Variants in PTPRR observed in about 807,000 individuals in gnomAD.
The protein encoded by PTPRR is receptor-type tyrosine-protein phosphatase R.
PTPRR carries 38 observed loss-of-function variants against 77.2 expected under a neutral mutation model. That is an observed-to-expected ratio of 0.49 (90% CI 0.38 to 0.65). The LOEUF is 0.65. PTPRR is among the 30% of genes least tolerant of loss of function. The pLI is 0.00. For synonymous variants in PTPRR, 299 were observed against 283.1 expected, an observed-to-expected ratio of 1.06 and a Z score of -0.57; for missense variants, 744 against 799.2, an observed-to-expected ratio of 0.93 and a Z score of 0.83.
chr12:70,718,337 C>T (rs1259717133), intron 6 of PTPRR, among the ~76,000 whole-genome samples: 1 of 152,056 alleles, frequency 6.6e-6, no homozygotes, highest in African/African-American at 2.4e-5. Context: ...ACGATCTCAG[C>T]TCACTGCAAT....
chr12:70,832,363 G>T (rs1892228074), intron 2 of PTPRR, among the ~76,000 whole-genome samples: 1 of 152,144 alleles, frequency 6.6e-6, no homozygotes, highest in Admixed American at 6.5e-5. Context: ...CAACATTCAG[G>T]TTTTTAAAAA....
intron 1 of PTPRR, among the ~76,000 whole-genome samples, chr12:70,899,128 A>G (rs953726111): frequency 1.1e-4 from 16 of 151,588 alleles, no homozygotes; most frequent in African/African-American, 3.4e-4. Context: ...ATAATTGAAA[A>G]TGTCTACCAA....
intron 2 of PTPRR, among the ~76,000 whole-genome samples, chr12:70,799,394 G>A (rs572133254): frequency 5.9e-5 from 9 of 152,164 alleles, no homozygotes; most frequent in South Asian, 4.2e-4. Context: ...TCCCAGAATC[G>A]CATGTTTATT....
intron 8 of PTPRR, among the ~76,000 whole-genome samples, chr12:70,695,587 T>C (rs1888202933): frequency 6.6e-6 from 1 of 152,194 alleles, no homozygotes; most frequent in Non-Finnish European, 1.5e-5. Flanking sequence ...TCTGATATCA[T>C]CTGGGCAGGA....
chr12:70,668,303 C>T (rs1202206807), intron 10 of PTPRR, among the ~76,000 whole-genome samples: 1 of 150,354 alleles, frequency 6.7e-6, no homozygotes, highest in Non-Finnish European at 1.5e-5. Context: ...GGAGCAGCAG[C>T]AGCTTGGGAG....
chr12:70,791,042 G>A (rs1891414064), intron 2 of PTPRR, among the ~76,000 whole-genome samples: 1 of 152,108 alleles, frequency 6.6e-6, no homozygotes. Flanking sequence ...CACTGCCAAA[G>A]CAGTTCTCCC....
intron 2 of PTPRR, among the ~76,000 whole-genome samples, chr12:70,773,812 A>C (rs1891033707): frequency 6.6e-6 from 1 of 152,204 alleles, no homozygotes; most frequent in African/African-American, 2.4e-5. Context: ...TGTTTGCTAC[A>C]TTATTTTCTG....
chr12:70,673,023 G>C (rs1207368078), intron 10 of PTPRR: 15 of 1,161,382 alleles, frequency 1.3e-5, no homozygotes, highest in Non-Finnish European at 1.5e-5. Context: ...AAATACGTCG[G>C]GCCAAAGCAA....
chr12:70,826,936 G>A (rs1020112386), intron 2 of PTPRR, among the ~76,000 whole-genome samples: 11 of 152,144 alleles, frequency 7.2e-5, no homozygotes, highest in Admixed American at 2.0e-4. Flanking sequence ...ACCTGCACCT[G>A]CCTCAGGGGT....
intron 1 of PTPRR, among the ~76,000 whole-genome samples, chr12:70,915,512 T>C (rs1893762464): frequency 6.6e-6 from 1 of 152,214 alleles, no homozygotes; most frequent in South Asian, 2.1e-4. Context: ...ACTCTCTGTT[T>C]GTAAATCAGC....
At chr12:70,876,251 A>G (rs1300746959) in intron 2 of PTPRR, among the ~76,000 whole-genome samples, 1 of 152,130 alleles carries the variant, frequency 6.6e-6, no homozygotes, top group Non-Finnish European at 1.5e-5. Context: ...TAGTATATAT[A>G]ATATATACAT....
intron 10 of PTPRR, among the ~76,000 whole-genome samples, chr12:70,679,138 A>T (rs932685585): frequency 6.6e-6 from 1 of 152,128 alleles, no homozygotes; most frequent in African/African-American, 2.4e-5. Flanking sequence ...TATTTGTCTC[A>T]AGGAATTTTT....
intron 13 of PTPRR, among the ~76,000 whole-genome samples, chr12:70,646,563 T>C (rs541881858): frequency 3.2e-4 from 49 of 152,298 alleles, no homozygotes; most frequent in Admixed American, 8.5e-4. Flanking sequence ...TGGCAGCCAC[T>C]TGGAAGATTC....
chr12:70,897,657 A>G (rs972329002), intron 1 of PTPRR, among the ~76,000 whole-genome samples: 1 of 152,114 alleles, frequency 6.6e-6, no homozygotes, highest in Non-Finnish European at 1.5e-5. Flanking sequence ...ATTACTGGGT[A>G]TGTACCCAAA....
At chr12:70,699,128 A>G (rs919244132) in intron 7 of PTPRR, among the ~76,000 whole-genome samples, 5 of 152,258 alleles carry the variant, frequency 3.3e-5, no homozygotes, top group African/African-American at 1.2e-4. Context: ...AAGGGTCCAA[A>G]CAAACATTTG....
intron 13 of PTPRR, among the ~76,000 whole-genome samples, chr12:70,654,675 T>C (rs532945143): frequency 1.3e-5 from 2 of 152,358 alleles, no homozygotes; most frequent in South Asian, 4.1e-4. Flanking sequence ...GAAATTATCT[T>C]GGTTTATTTT....
chr12:70,668,120 T>C (rs1887077366), intron 10 of PTPRR, among the ~76,000 whole-genome samples: 1 of 152,178 alleles, frequency 6.6e-6, no homozygotes, highest in Non-Finnish European at 1.5e-5. Flanking sequence ...TACCACTTTC[T>C]GGATGCAATC....
intron 2 of PTPRR, among the ~76,000 whole-genome samples, chr12:70,891,422 T>G (rs1419237583): frequency 6.6e-6 from 1 of 152,132 alleles, no homozygotes; most frequent in Non-Finnish European, 1.5e-5. Flanking sequence ...TCATTTATCT[T>G]CACTGAATAG....
intron 2 of PTPRR, among the ~76,000 whole-genome samples, chr12:70,863,227 C>A (rs1397688144): frequency 4.6e-5 from 7 of 152,102 alleles, no homozygotes; most frequent in Admixed American, 1.3e-4. Context: ...CTAAACATGA[C>A]TATATAACTA....
Sources: gnomAD v4.1 joint callset for allele counts (sites outside exome capture counted in the v4.1 genomes callset) on GRCh38, gnomAD v4.1.1 for gene constraint, MANE v1.5 for transcripts, NCBI Gene and HGNC (gene_info 2026-07-23, HGNC 2026-07-21) for gene names.